PEBP1: variants seen among roughly 807,000 people sequenced by gnomAD.
The protein encoded by PEBP1 is phosphatidylethanolamine binding protein 1.
A neutral mutation model predicts 22.7 loss-of-function variants in PEBP1; 17 were observed. That is an observed-to-expected ratio of 0.75 (90% confidence interval 0.51 to 1.12). The LOEUF (loss-of-function observed/expected upper bound fraction) is 1.12. Among genes scored for constraint, PEBP1 ranks in the 50% most tolerant of loss-of-function variants. PEBP1 has a pLI of 0.00. For synonymous variants in PEBP1, 106 were observed against 104.3 expected (o/e 1.02, Z -0.10); for missense variants, 205 against 243.5 (o/e 0.84, Z 1.05).
At chr12:118,139,380 C>A (rs2034095205) in intron 2 of PEBP1, 71 bp from the exon 3 acceptor site, 1 of 992,158 alleles carries the variant, frequency 1.0e-6, no homozygotes, top group Non-Finnish European at 1.6e-6. Flanking sequence ...TTCTTGATGC[C>A]CAGTTGCTGA....
Position 118,145,237 on chromosome 12 carries a change from A to G in PEBP1, c.*434A>G, listed in dbSNP as rs912830247. ...GATCCTGAGTCCAGAATGGTACACAATGTGATTTTATGGTGATGTCACTCA... is the reference window on the plus strand; with the variant it reads ...GATCCTGAGTCCAGAATGGTACACAGTGTGATTTTATGGTGATGTCACTCA... On this transcript the variant is annotated 3_prime_UTR_variant, in exon 4 of 4. Coordinates refer to ENST00000261313, the MANE Select transcript of PEBP1 (RefSeq NM_002567.4). The G allele has an allele frequency of 2.0e-5, 7 of 349,064 alleles. No homozygotes were observed. The highest frequency in any genetic ancestry group is 1.1e-4 in the African/African-American group (5 of 46,362). 21.6% of individuals were successfully genotyped at this position (349,064 alleles called of 1,614,324 possible).
chr12:118,144,740 G>A lies in PEBP1; in HGVS notation c.501G>A (p.Thr167=), dbSNP rs146924072. ...AGCTCAGGGCCCCGGTGGCTGGCACGTGTTACCAGGCCGAGTGGGATGACT... is the reference window on the plus strand; with the variant it reads ...AGCTCAGGGCCCCGGTGGCTGGCACATGTTACCAGGCCGAGTGGGATGACT... ...KYELRAPVAG[T]CYQAEWDDYV... Residue 167 remains threonine (T), a synonymous_variant, in exon 4 of 4, where the codon ACG becomes ACA. Transcript: ENST00000261313. 1.1e-5 allele frequency: 18 copies of A among 1,614,008 alleles called. No individual in the cohort carries two copies. In the African/African-American group the frequency reaches 1.2e-4, roughly 11 times the overall value.
intron 3 of PEBP1, among the ~76,000 whole-genome samples, chr12:118,141,857 A>G (rs2034116908): frequency 6.6e-6 from 1 of 152,178 alleles, no homozygotes; most frequent in Admixed American, 6.5e-5. Flanking sequence ...TTTATTGCTC[A>G]GTAATATTCC....
intron 3 of PEBP1, among the ~76,000 whole-genome samples, chr12:118,142,649 A>T (rs563023258): frequency 6.6e-6 from 1 of 151,656 alleles, no homozygotes; most frequent in Admixed American, 6.6e-5. Context: ...GCTAATTTTT[A>T]TATTTTTAGT....
intron 2 of PEBP1, chr12:118,139,029 A>G: frequency 5.2e-6 from 1 of 192,272 alleles, no homozygotes. Context: ...GAAAGTGAGG[A>G]CTGGGCCGGG....
intron 3 of PEBP1, among the ~76,000 whole-genome samples, chr12:118,142,460 T>G (rs1364678686): frequency 1.3e-5 from 2 of 151,950 alleles, no homozygotes; most frequent in Non-Finnish European, 2.9e-5. Context: ...CCCAAAGTGC[T>G]GGGATTACAG....
chr12:118,137,732 G>C (rs1372253572), intron 1 of PEBP1, among the ~76,000 whole-genome samples: 1 of 152,138 alleles, frequency 6.6e-6, no homozygotes, highest in African/African-American at 2.4e-5. Context: ...CTGTCGCCCA[G>C]GCTGGAGTGC....
At chr12:118,142,600 C>T (rs1459169547) in intron 3 of PEBP1, among the ~76,000 whole-genome samples, 1 of 152,062 alleles carries the variant, frequency 6.6e-6, no homozygotes, top group Non-Finnish European at 1.5e-5. Context: ...CCTCAGCCTC[C>T]TGGGTAGCTA....
At position 118,136,287 on chromosome 12, in the gene PEBP1, T is replaced by A. The variant is rs757911321; in HGVS notation, c.78T>A (p.His26Gln). ...EVDEQPQHPL[H>Q]VTYAGAAVDE... Reference sequence around the variant, plus strand: ...ACGAGCAGCCGCAGCACCCGCTGCATGTCACCTACGCCGGGGCGGCGGTGG... The same window carrying A: ...ACGAGCAGCCGCAGCACCCGCTGCAAGTCACCTACGCCGGGGCGGCGGTGG... Residue 26 changes from histidine to glutamine, a missense_variant, in exon 1 of 4, where the codon CAT becomes CAA. By Grantham distance (24) the His-to-Gln change is conservative (BLOSUM62 0). Coordinates refer to ENST00000261313, the MANE Select transcript of PEBP1 (RefSeq NM_002567.4). The surrounding 1 kb of genome is among the most constrained non-coding windows in gnomAD (Gnocchi z 5.6). 2 of 1,547,018 alleles carry A rather than the reference T, an allele frequency of 1.3e-6. No homozygotes were observed. Among genetic ancestry groups the A allele is most frequent in the South Asian group, 2.4e-5 (2 of 83,976 alleles).
rs1370867126 is a variant in PEBP1, at chr12:118,145,169, A to G, written c.*366A>G. On this transcript the variant is annotated 3_prime_UTR_variant, in exon 4 of 4. Coordinates refer to ENST00000261313, the MANE Select transcript of PEBP1 (RefSeq NM_002567.4). Reference sequence around the variant, plus strand: ...ATCAAAGAATCTTTAAGGGAGGTTTAAAAAAAAAAAAAAAAAAAAAGATTG... The same window carrying G: ...ATCAAAGAATCTTTAAGGGAGGTTTGAAAAAAAAAAAAAAAAAAAAGATTG... 3 of 119,126 alleles carry G rather than the reference A, an allele frequency of 2.5e-5. No individual in the cohort carries two copies. The highest frequency in any genetic ancestry group is 1.3e-4 in the African/African-American group (3 of 23,502). The allele number at this position is 119,126 out of a possible 1,614,324, so 7.4% of individuals were successfully genotyped here.
chr12:118,137,879 G>GTA (rs977437435), intron 1 of PEBP1, among the ~76,000 whole-genome samples, 160 bp from the exon 2 acceptor site: 1 of 152,018 alleles, frequency 6.6e-6, no homozygotes, highest in Non-Finnish European at 1.5e-5. Context: ...GTAGAGGCAG[G>GTA]TTTCACCGTG....
At chr12:118,142,769 G>GC (rs1344989422) in intron 3 of PEBP1, among the ~76,000 whole-genome samples, 1 of 146,856 alleles carries the variant, frequency 6.8e-6, no homozygotes, top group Non-Finnish European at 1.5e-5. Flanking sequence ...GAGCCACTGC[G>GC]CCCCCTCCAT....
chr12:118,142,177 T>C (rs75479866), intron 3 of PEBP1, among the ~76,000 whole-genome samples: 1 of 150,444 alleles, frequency 6.6e-6, no homozygotes, highest in Non-Finnish European at 1.5e-5. Flanking sequence ...ATGCATTCTT[T>C]TTTTTTTTTT....
chr12:118,137,972 C>A, intron 1 of PEBP1, 67 bp from the exon 2 acceptor site: 1 of 1,071,986 alleles, frequency 9.3e-7, no homozygotes, highest in Non-Finnish European at 1.4e-6. Flanking sequence ...CAGGCGTGAG[C>A]CACCACACCC....
chr12:118,139,449 A>C lies in PEBP1; in HGVS notation c.246-2A>C. 8.1e-6 allele frequency: 13 copies of C among 1,606,764 alleles called. No homozygotes were observed. Among genetic ancestry groups the C allele is most frequent in the Non-Finnish European group, 1.0e-5 (12 of 1,174,968 alleles). Reference sequence around the variant, plus strand: ...GCTGACATCCCGTGTTTCTTCATGCAGAGAATGGCATCATTTCCTGGTGGT... The same window carrying C: ...GCTGACATCCCGTGTTTCTTCATGCCGAGAATGGCATCATTTCCTGGTGGT... On this transcript the variant is annotated splice_acceptor_variant, in intron 2 of 3. Transcript: ENST00000261313. LOFTEE classifies it high-confidence loss of function.
chr12:118,142,318 G>A (rs565595760), intron 3 of PEBP1, among the ~76,000 whole-genome samples: 8 of 150,836 alleles, frequency 5.3e-5, no homozygotes, highest in African/African-American at 2.0e-4. Context: ...TCAGCCTCCC[G>A]AGTAGCTGGA....
intron 3 of PEBP1, among the ~76,000 whole-genome samples, chr12:118,144,362 A>T (rs1331192480): frequency 6.6e-6 from 1 of 152,184 alleles, no homozygotes; most frequent in Non-Finnish European, 1.5e-5. Flanking sequence ...GGGGCCTAAC[A>T]CATTCTATTA....
chr12:118,137,229 G>A (rs958645738), intron 1 of PEBP1, among the ~76,000 whole-genome samples: 4 of 152,112 alleles, frequency 2.6e-5, no homozygotes, highest in African/African-American at 4.8e-5. Context: ...CTGTGATTCC[G>A]GACAGACAAT....
In PEBP1 at chr12:118,144,767, T is replaced by C. The variant is rs1186705296; in HGVS notation, c.528T>C (p.Tyr176=). 11 of 1,614,168 alleles carry C rather than the reference T, an allele frequency of 6.8e-6. No individual in the cohort carries two copies. Among genetic ancestry groups the C allele is most frequent in the Middle Eastern group, 1.6e-4 (1 of 6,062 alleles). Reference sequence around the variant, plus strand: ...GTTACCAGGCCGAGTGGGATGACTATGTGCCCAAACTGTACGAGCAGCTGT... The same window carrying C: ...GTTACCAGGCCGAGTGGGATGACTACGTGCCCAAACTGTACGAGCAGCTGT... ...GTCYQAEWDD[Y]VPKLYEQLSG... is the part of the protein sequence containing the mutation. The change falls in exon 4 of 4, where the codon TAT becomes TAC. Residue 176 remains tyrosine (Y), a synonymous_variant. Coordinates refer to ENST00000261313, the MANE Select transcript of PEBP1 (RefSeq NM_002567.4).
Sources: gnomAD v4.1 joint callset for allele counts (sites outside exome capture counted in the v4.1 genomes callset) on GRCh38, gnomAD v4.1.1 for gene constraint, Gnocchi (gnomAD v3.1) non-coding constraint, MANE v1.5 for transcripts, NCBI Gene and HGNC (gene_info 2026-07-23, HGNC 2026-07-21) for gene names.